Variants in OSBPL10 observed in about 807,000 individuals in gnomAD.
OSBPL10 encodes oxysterol binding protein like 10, also known as oxysterol-binding protein-related protein 10.
Under a neutral mutation model 81.7 loss-of-function variants are expected in OSBPL10, and 49 were observed. That is an observed-to-expected ratio of 0.60 (90% CI 0.48 to 0.76). OSBPL10 has a LOEUF of 0.76. Ranked by LOEUF, OSBPL10 falls within the 30% of genes least tolerant of loss-of-function variation. The pLI is 0.00. For missense variants in OSBPL10, 923 were observed against 987.8 expected (o/e 0.93, Z 0.88); for synonymous variants, 419 against 383.6 (o/e 1.09, Z -1.08).
intron 1 of OSBPL10, among the ~76,000 whole-genome samples, chr3:31,949,811 T>G (rs751793176): frequency 6.6e-6 from 1 of 151,990 alleles, no homozygotes; most frequent in Non-Finnish European, 1.5e-5. Flanking sequence ...AGAATATCTC[T>G]TTAGTTAACT....
chr3:31,972,163 C>T (rs888081921), intron 1 of OSBPL10, among the ~76,000 whole-genome samples: 11 of 152,260 alleles, frequency 7.2e-5, no homozygotes, highest in Admixed American at 2.0e-4. Flanking sequence ...CCAAGGCGGG[C>T]GGATCACCTG....
At chr3:31,775,555 G>A (rs1218792671) in intron 4 of OSBPL10, among the ~76,000 whole-genome samples, 6 of 152,102 alleles carry the variant, frequency 3.9e-5, no homozygotes, top group Admixed American at 6.5e-5. Context: ...TGAGTGAGAC[G>A]GCAGAGGTCA....
chr3:32,060,987 A>AAAAAAG (rs1553652293), intron 1 of OSBPL10, among the ~76,000 whole-genome samples: 1 of 77,484 alleles, frequency 1.3e-5, no homozygotes, highest in Non-Finnish European at 3.3e-5. Flanking sequence ...AAAAAAAAAA[A>AAAAAAG]AACCCTCAGA....
chr3:31,720,617 G>A (rs544236682), intron 6 of OSBPL10, among the ~76,000 whole-genome samples: 5 of 152,200 alleles, frequency 3.3e-5, no homozygotes, highest in South Asian at 2.1e-4. Flanking sequence ...GCCCAGAGAC[G>A]GCCAGGCGTG....
chr3:31,765,036 G>A (rs548537830), intron 4 of OSBPL10, among the ~76,000 whole-genome samples: 1 of 151,424 alleles, frequency 6.6e-6, no homozygotes, highest in Admixed American at 6.6e-5. Context: ...TTTTTTTCTG[G>A]AGACAGGGTC....
intron 4 of OSBPL10, among the ~76,000 whole-genome samples, chr3:31,803,459 A>G (rs112503439): frequency 3.3e-5 from 5 of 152,342 alleles, no homozygotes; most frequent in African/African-American, 9.6e-5. Flanking sequence ...AGTACCTCAC[A>G]TGTATGATGG....
At chr3:31,884,931 T>C (rs1401535573) in intron 1 of OSBPL10, among the ~76,000 whole-genome samples, 24 of 152,028 alleles carry the variant, frequency 1.6e-4, no homozygotes, top group Admixed American at 1.6e-3. Flanking sequence ...AATCAAAGCA[T>C]GTGCTGCAGG....
intron 1 of OSBPL10, among the ~76,000 whole-genome samples, chr3:31,916,992 T>C (rs1024509037): frequency 6.6e-6 from 1 of 152,190 alleles, no homozygotes; most frequent in Non-Finnish European, 1.5e-5. Context: ...AAAATCGATT[T>C]CAAGCCTCTC....
intron 7 of OSBPL10, 56 bp downstream of exon 7, chr3:31,702,303 G>T: frequency 6.3e-7 from 1 of 1,583,734 alleles, no homozygotes; most frequent in South Asian, 1.1e-5. Flanking sequence ...GAAGGCTTGA[G>T]GATAGAGACA....
chr3:31,797,602 A>G (rs1423392572), intron 4 of OSBPL10, among the ~76,000 whole-genome samples: 1 of 152,180 alleles, frequency 6.6e-6, no homozygotes, highest in Non-Finnish European at 1.5e-5. Flanking sequence ...GGATATTTCC[A>G]TCCCTCCAAA....
chr3:31,911,626 CA>C (rs74270091), intron 1 of OSBPL10, among the ~76,000 whole-genome samples: 78 of 139,686 alleles, frequency 5.6e-4, no homozygotes, highest in Admixed American at 8.6e-4. Context: ...AAAAAAATCT[CA>C]AAAAAAAAAA....
chr3:31,756,831 T>C (rs905144709), intron 4 of OSBPL10, among the ~76,000 whole-genome samples: 1 of 152,250 alleles, frequency 6.6e-6, no homozygotes, highest in Non-Finnish European at 1.5e-5. Flanking sequence ...CTCTTGGCTT[T>C]CACATTTTAA....
intron 4 of OSBPL10, among the ~76,000 whole-genome samples, chr3:31,787,009 C>T (rs1243268286): frequency 6.6e-6 from 1 of 152,160 alleles, no homozygotes; most frequent in Non-Finnish European, 1.5e-5. Context: ...AGAACATTAT[C>T]TGTTTGCCAG....
At chr3:31,795,435 C>T (rs142172549) in intron 4 of OSBPL10, 446 of 163,148 alleles carry the variant, frequency 2.7e-3, no homozygotes, top group African/African-American at 9.9e-3. Flanking sequence ...CATGAGCCAC[C>T]GTGTCTGGCC....
chr3:31,900,906 T>TA, intron 1 of OSBPL10, among the ~76,000 whole-genome samples: 1 of 152,324 alleles, frequency 6.6e-6, no homozygotes, highest in South Asian at 2.1e-4. Context: ...TAGTCTTCAT[T>TA]ATAATAAGGA....
At chr3:31,750,678 T>C (rs1455111186) in intron 4 of OSBPL10, among the ~76,000 whole-genome samples, 1 of 152,142 alleles carries the variant, frequency 6.6e-6, no homozygotes, top group Non-Finnish European at 1.5e-5. Context: ...AAATCCTGTC[T>C]TAGAAAAATG....
intron 1 of OSBPL10, among the ~76,000 whole-genome samples, chr3:31,915,936 A>C (rs1696745702): frequency 6.6e-6 from 1 of 151,714 alleles, no homozygotes; most frequent in Non-Finnish European, 1.5e-5. Flanking sequence ...TCTACTAAAA[A>C]ATATAAAAAA....
intron 2 of OSBPL10, among the ~76,000 whole-genome samples, chr3:32,017,536 A>G (rs952754085): frequency 2.0e-5 from 3 of 152,074 alleles, no homozygotes; most frequent in African/African-American, 7.2e-5. Flanking sequence ...TTTTCTCTTA[A>G]TCTACTGTTT....
intron 10 of OSBPL10, among the ~76,000 whole-genome samples, chr3:31,668,353 C>A (rs1700247007): frequency 6.6e-6 from 1 of 152,094 alleles, no homozygotes; most frequent in Admixed American, 6.5e-5. Flanking sequence ...CGGTATTTAC[C>A]TTTGCAATTA....
Sources: allele counts gnomAD v4.1 joint callset (sites outside exome capture counted in the v4.1 genomes callset), GRCh38; gene constraint gnomAD v4.1.1; transcripts MANE v1.5; gene names NCBI Gene and HGNC (gene_info 2026-07-23, HGNC 2026-07-21).